Variants in ANKRD13C observed in about 807,000 individuals in gnomAD.
ANKRD13C encodes ankyrin repeat domain-containing protein 13C.
Under a neutral mutation model 65.5 loss-of-function variants are expected in ANKRD13C, and 16 were observed. The observed-to-expected ratio is 0.24, with a 90% CI of 0.17 to 0.37. ANKRD13C has a LOEUF of 0.37. Ranked by LOEUF, ANKRD13C falls within the 10% of genes least tolerant of loss-of-function variation. The probability of loss-of-function intolerance (pLI) is 1.00; values close to 1 mark genes in which losing one functional copy is unlikely to be tolerated. For missense variants in ANKRD13C, 503 were observed against 655.9 expected (o/e 0.77, Z 2.55); for synonymous variants, 235 against 238.7 (o/e 0.98, Z 0.14).
At chr1:70,264,686 A>G (rs1678534278) in intron 12 of ANKRD13C, among the ~76,000 whole-genome samples, 1 of 152,114 alleles carries the variant, frequency 6.6e-6, no homozygotes, top group Admixed American at 6.5e-5. Flanking sequence ...ACCCCGTTCT[A>G]GGTTTTGGAT....
intron 5 of ANKRD13C, among the ~76,000 whole-genome samples, chr1:70,308,394 G>C (rs1169543472): frequency 3.3e-5 from 5 of 151,936 alleles, no homozygotes; most frequent in Middle Eastern, 3.4e-3. Flanking sequence ...GAGGAAAATG[G>C]TAAGGCAGAG....
chr1:70,294,177 T>C (rs373808493), intron 8 of ANKRD13C, among the ~76,000 whole-genome samples: 1 of 152,084 alleles, frequency 6.6e-6, no homozygotes, highest in Non-Finnish European at 1.5e-5. Flanking sequence ...CACGACACTT[T>C]ATGAAAAAGT....
At chr1:70,301,938 C>CACA (rs983304192) in intron 6 of ANKRD13C, among the ~76,000 whole-genome samples, 2 of 152,162 alleles carry the variant, frequency 1.3e-5, no homozygotes, top group African/African-American at 4.8e-5. Flanking sequence ...GGATGCTGAT[C>CACA]ACATCCCCAG....
In ANKRD13C at chr1:70,312,664, C is replaced by T. The variant is rs1204592143; in HGVS notation, c.709+1081G>A. On this transcript the variant is annotated intron_variant, in intron 5 of 12. Transcript: ENST00000370944. ...GGCGACAGAGTGAGTGAGACTCTGTCTCCAAAAAAAAAAAAAAATTAATTT... is the reference window on the plus strand; with the variant it reads ...GGCGACAGAGTGAGTGAGACTCTGTTTCCAAAAAAAAAAAAAAATTAATTT... Among the ~76,000 whole-genome samples, 3 of 136,294 alleles carry T rather than the reference C, an allele frequency of 2.2e-5. No individual in the cohort carries two copies. The East Asian group carries it at 7.0e-4, about 32-fold the overall frequency. The allele number at this position is 136,294 out of a possible 152,430, so 89.4% of individuals were successfully genotyped here.
intron 5 of ANKRD13C, among the ~76,000 whole-genome samples, chr1:70,310,664 ATATTT>A (rs952938831): frequency 3.9e-5 from 6 of 152,236 alleles, no homozygotes; most frequent in African/African-American, 1.4e-4. Flanking sequence ...CACTTTTAAA[ATATTT>A]TATAACATTT....
intron 5 of ANKRD13C, among the ~76,000 whole-genome samples, chr1:70,308,582 AG>A (rs1680691407): frequency 6.6e-6 from 1 of 151,904 alleles, no homozygotes; most frequent in Non-Finnish European, 1.5e-5. Flanking sequence ...TACTAAAAAT[AG>A]AAAAAATTAG....
intron 3 of ANKRD13C, among the ~76,000 whole-genome samples, chr1:70,323,725 A>ATT (rs761316959): frequency 2.8e-5 from 4 of 141,258 alleles, no homozygotes; most frequent in East Asian, 2.1e-4. Flanking sequence ...CAGCTAAATA[A>ATT]TTTTTTTTTT....
At chr1:70,306,709 A>T (rs1370695680) in intron 5 of ANKRD13C, among the ~76,000 whole-genome samples, 1 of 152,218 alleles carries the variant, frequency 6.6e-6, no homozygotes, top group Non-Finnish European at 1.5e-5. Context: ...TAATAGAAAG[A>T]GACATCTTTG....
rs565331366 is a variant in ANKRD13C, at chr1:70,344,221, C to T, written c.431-8122G>A. On this transcript the variant is annotated intron_variant, in intron 1 of 12. Transcript: ENST00000370944. ...GCTGAGACACGAGAATTGCTTAAAC[C>T]GGGAGGTGGAGGTTGCAGTGAGCCG... Among the ~76,000 whole-genome samples the T allele has an allele frequency of 1.3e-3, 188 of 147,046 alleles. No individual in the cohort carries two copies. In the Middle Eastern group the frequency reaches 0.018, roughly 14 times the overall value.
chr1:70,278,671 T>A (rs1679250680), intron 9 of ANKRD13C, among the ~76,000 whole-genome samples: 1 of 152,180 alleles, frequency 6.6e-6, no homozygotes, highest in African/African-American at 2.4e-5. Context: ...GAGGGTCTCA[T>A]TCAAGAAATG....
At chr1:70,348,100 C>T (rs887316619) in intron 1 of ANKRD13C, among the ~76,000 whole-genome samples, 1 of 151,954 alleles carries the variant, frequency 6.6e-6, no homozygotes, top group African/African-American at 2.4e-5. Flanking sequence ...TTATAGTCAC[C>T]TCTTCTAAAA....
rs61785289 is a variant in ANKRD13C, at chr1:70,288,840, C to T, written c.1215+3548G>A. ...TCTTGACTACAAATGCCAATATCCTCGCCATGATACTGTTCTATACCTTGG... is the reference window on the plus strand; with the variant it reads ...TCTTGACTACAAATGCCAATATCCTTGCCATGATACTGTTCTATACCTTGG... On this transcript the variant is annotated intron_variant, in intron 9 of 12. Coordinates refer to ENST00000370944, the MANE Select transcript of ANKRD13C (RefSeq NM_030816.5). Among the ~76,000 whole-genome samples, 185 of 152,244 alleles carry T rather than the reference C, an allele frequency of 1.2e-3. 1 individual carries two copies. Among genetic ancestry groups the T allele is most frequent in the Middle Eastern group, 3.4e-3 (1 of 294 alleles).
chr1:70,262,695 A>G lies in ANKRD13C; in HGVS notation c.*22T>C. The G allele has an allele frequency of 6.2e-7, 1 of 1,607,310 alleles. No individual in the cohort carries two copies. The highest frequency in any genetic ancestry group is 8.5e-7 in the Non-Finnish European group (1 of 1,175,790). On this transcript the variant is annotated 3_prime_UTR_variant, in exon 13 of 13. Coordinates refer to ENST00000370944, the MANE Select transcript of ANKRD13C (RefSeq NM_030816.5). ...CTCTGTATTTTCTTTCCTTGGTTAG[A>G]CGGCATCCTTTTCCACGTCAGTTAA... is the stretch of plus-strand genomic sequence containing the variant.
chr1:70,330,125 T>G (rs1681720925), intron 2 of ANKRD13C, among the ~76,000 whole-genome samples: 2 of 151,244 alleles, frequency 1.3e-5, no homozygotes, highest in Non-Finnish European at 2.9e-5. Flanking sequence ...ATCGAATGTC[T>G]TCTCTCAGTA....
At chr1:70,339,881 GCT>G (rs1682234041) in intron 1 of ANKRD13C, among the ~76,000 whole-genome samples, 1 of 146,456 alleles carries the variant, frequency 6.8e-6, no homozygotes, top group Non-Finnish European at 1.5e-5. Flanking sequence ...ACAGGGTCTT[GCT>G]CTGTCACCCA....
chr1:70,290,539 CTT>C (rs768872701), intron 9 of ANKRD13C, among the ~76,000 whole-genome samples: 48 of 141,994 alleles, frequency 3.4e-4, no homozygotes, highest in Admixed American at 2.8e-4. Flanking sequence ...GATTTTTCTC[CTT>C]TTTTTTTTTT....
chr1:70,306,340 T>A (rs755267645), intron 5 of ANKRD13C, 50 bp from the exon 6 acceptor site: 1 of 1,228,656 alleles, frequency 8.1e-7, no homozygotes, highest in South Asian at 1.6e-5. Flanking sequence ...AATTTTGAGA[T>A]ATTTACAAAC....
In ANKRD13C at chr1:70,344,035, C is replaced by G. The variant is rs369432445; in HGVS notation, c.431-7936G>C. On this transcript the variant is annotated intron_variant, in intron 1 of 12. Coordinates refer to ENST00000370944, the MANE Select transcript of ANKRD13C (RefSeq NM_030816.5). ...GCTGGGGGCTGGGCATGGTGGCTCACGCCTATAATTCCAGCACTTTCAGAG... is the reference window on the plus strand; with the variant it reads ...GCTGGGGGCTGGGCATGGTGGCTCAGGCCTATAATTCCAGCACTTTCAGAG... 4.1e-4 allele frequency among the ~76,000 whole-genome samples: 62 copies of G among 151,780 alleles called. No individual in the cohort carries two copies. The South Asian group carries it at 0.011, about 28-fold the overall frequency.
chr1:70,299,279 G>A (rs1680222974), intron 7 of ANKRD13C, among the ~76,000 whole-genome samples: 1 of 152,118 alleles, frequency 6.6e-6, no homozygotes, highest in Admixed American at 6.5e-5. Flanking sequence ...AAATAGTAAG[G>A]TAAGAAAAAG....
Sources: allele counts gnomAD v4.1 joint callset (sites outside exome capture counted in the v4.1 genomes callset), GRCh38; gene constraint gnomAD v4.1.1; transcripts MANE v1.5; gene names NCBI Gene and HGNC (gene_info 2026-07-23, HGNC 2026-07-21).